The following SMC2 variants were observed in gnomAD, a reference collection of about 807,000 sequenced individuals.
SMC2 encodes structural maintenance of chromosomes protein 2.
A neutral mutation model predicts 142.6 loss-of-function variants in SMC2; 41 were observed. The observed-to-expected ratio is 0.29, with a 90% CI of 0.22 to 0.37. The LOEUF (loss-of-function observed/expected upper bound fraction) is 0.37, where lower values mean the gene tolerates loss of function less well. SMC2 is among the 10% of genes least tolerant of loss of function. The pLI, the probability that SMC2 is intolerant of heterozygous loss-of-function variation, is 1.00. For missense variants in SMC2, 1,265 were observed against 1,373.7 expected, an observed-to-expected ratio of 0.92 and a Z score of 1.25; for synonymous variants, 463 against 457.5, an observed-to-expected ratio of 1.01 and a Z score of -0.15.
intron 9 of SMC2, among the ~76,000 whole-genome samples, chr9:104,107,845 G>A (rs1054518900): frequency 6.6e-5 from 10 of 152,168 alleles, no homozygotes; most frequent in African/African-American, 1.2e-4. Context: ...AGAAAGTAGC[G>A]TCTTATTCTC....
chr9:104,090,105 G>A (rs1302352323), upstream of SMC2, among the ~76,000 whole-genome samples: 3 of 152,182 alleles, frequency 2.0e-5, no homozygotes, highest in Non-Finnish European at 2.9e-5. Flanking sequence ...TAAATGAGAA[G>A]ACCTCCTCCA....
intron 9 of SMC2, 142 bp downstream of exon 9, chr9:104,102,715 C>A: frequency 2.6e-6 from 2 of 770,470 alleles, no homozygotes; most frequent in Non-Finnish European, 3.8e-6. Flanking sequence ...TACAACTGGA[C>A]CAAATGGTCA....
intron 21 of SMC2, among the ~76,000 whole-genome samples, chr9:104,130,760 G>A (rs1336001849): frequency 1.3e-5 from 2 of 152,056 alleles, no homozygotes; most frequent in African/African-American, 4.8e-5. Flanking sequence ...GAAAACTTTG[G>A]TCTGAATTTG....
chr9:104,130,121 C>T (rs1834780628), intron 21 of SMC2, among the ~76,000 whole-genome samples: 1 of 152,054 alleles, frequency 6.6e-6, no homozygotes, highest in African/African-American at 2.4e-5. Flanking sequence ...TCATTTCTTT[C>T]ACTTGCATTG....
At chr9:104,097,582 A>G (rs559198274) in intron 3 of SMC2, among the ~76,000 whole-genome samples, 134 of 151,658 alleles carry the variant, frequency 8.8e-4, no homozygotes, top group Non-Finnish European at 1.6e-3. Flanking sequence ...GCATCCATCA[A>G]ATATTTATCC....
Position 104,116,280 on chromosome 9 carries a change from A to G in SMC2, c.1752A>G (p.Arg584=), listed in dbSNP as rs988464594. The G allele has an allele frequency of 6.8e-6, 11 of 1,609,258 alleles. No homozygotes were observed. The highest frequency in any genetic ancestry group is 9.3e-6 in the Non-Finnish European group (11 of 1,178,276). The change falls in exon 14 of 25, where the codon AGA becomes AGG. Residue 584 remains arginine (R), a synonymous_variant. Coordinates refer to ENST00000374793, the MANE Select transcript of SMC2 (RefSeq NM_006444.3). ...TTCCACTCAATAAAATTTCAGCCAG[A>G]TGTATTGCACCAGAAACTCTGAGAG... ...TIIPLNKISA[R]CIAPETLRVA...
At chr9:104,137,886 ATTC>A (rs1372814956) in intron 23 of SMC2, 129 bp from the exon 24 acceptor site, 2 of 497,906 alleles carry the variant, frequency 4.0e-6, no homozygotes, top group South Asian at 7.9e-5. Context: ...GAAACTCAAG[ATTC>A]TTTTTTTTAT....
At position 104,118,385 on chromosome 9, in the gene SMC2, ATAT is replaced by A; in HGVS notation, c.1996+11_1996+13del. The A allele has an allele frequency of 6.2e-7, 1 of 1,605,868 alleles. No homozygotes were observed. Among genetic ancestry groups the A allele is most frequent in the Non-Finnish European group, 8.5e-7 (1 of 1,173,976 alleles). ...GGGACATTGAGTGGAGGTAAGTTTT[ATAT>A]CCTTTTCTCCTCACAATTCTTTGTG... On this transcript the variant is annotated intron_variant, in intron 15 of 24. Coordinates refer to ENST00000374793, the MANE Select transcript of SMC2 (RefSeq NM_006444.3).
In SMC2 at chr9:104,120,149, AAC is replaced by A; in HGVS notation, c.2122_2123del (p.Thr708CysfsTer2). On this transcript the variant is annotated frameshift_variant, in exon 16 of 25. Coordinates refer to ENST00000374793, the MANE Select transcript of SMC2 (RefSeq NM_006444.3). LOFTEE classifies it high-confidence loss of function. Reference protein sequence around the residue: ...ALEEELAGLKNTAEKYRQLKQ... With the variant: ...ALEEELAGLKXTAEKYRQLKQ... ...AGAAGAGGAATTAGCAGGTCTTAAA[AAC>A]ACTGCTGAAAAGTAAGAACTGCATA... 3 of 1,609,568 alleles carry A rather than the reference AAC, an allele frequency of 1.9e-6. No homozygotes were observed. Among genetic ancestry groups the A allele is most frequent in the Non-Finnish European group, 2.5e-6 (3 of 1,178,706 alleles).
chr9:104,133,079 G>GCT (rs1462293322), intron 22 of SMC2, among the ~76,000 whole-genome samples: 1 of 152,070 alleles, frequency 6.6e-6, no homozygotes, highest in Admixed American at 6.6e-5. Context: ...CTGGCTTCAG[G>GCT]CTTACTTGAT....
chr9:104,125,265 G>T (rs1003910202), intron 18 of SMC2, among the ~76,000 whole-genome samples, 160 bp downstream of exon 18: 2 of 152,144 alleles, frequency 1.3e-5, no homozygotes, highest in African/African-American at 4.8e-5. Context: ...CAAGTCAAAG[G>T]AGTATCCAGG....
In SMC2 at chr9:104,100,999, G is replaced by A. The variant is rs142739927; in HGVS notation, c.636+566G>A. On this transcript the variant is annotated intron_variant, in intron 7 of 24. Coordinates refer to ENST00000374793, the MANE Select transcript of SMC2 (RefSeq NM_006444.3). ...GTCGCCCAGGCTGGAGTGCAGTGGT[G>A]TCATCACAGCTCACTGCAGCCTCCA... Among the ~76,000 whole-genome samples the A allele has an allele frequency of 5.5e-3, 831 of 152,256 alleles. 2 individuals carry two copies. The highest frequency in any genetic ancestry group is 0.015 in the East Asian group (79 of 5,182).
intron 15 of SMC2, among the ~76,000 whole-genome samples, chr9:104,119,400 A>G (rs925563593): frequency 4.9e-4 from 74 of 152,176 alleles, no homozygotes; most frequent in African/African-American, 1.6e-3. Context: ...TTCTTTGTCA[A>G]CATAATACCT....
intron 23 of SMC2, chr9:104,135,825 C>T: frequency 1.9e-6 from 1 of 518,550 alleles, no homozygotes. Flanking sequence ...GTATATCTAA[C>T]AGAAATATTC....
intron 15 of SMC2, 117 bp from the exon 16 acceptor site, chr9:104,119,910 C>A: frequency 1.0e-6 from 1 of 980,634 alleles, no homozygotes; most frequent in Non-Finnish European, 1.6e-6. Flanking sequence ...GCTTCATAAG[C>A]TCATTAAAAT....
intron 2 of SMC2, 49 bp from the exon 3 acceptor site, chr9:104,096,099 G>A (rs1252940926): frequency 6.4e-7 from 1 of 1,570,672 alleles, no homozygotes; most frequent in African/African-American, 1.4e-5. Flanking sequence ...GTGCTGCTTT[G>A]TACGGTAGGG....
intron 19 of SMC2, 38 bp downstream of exon 19, chr9:104,126,822 C>G (rs756923786): frequency 1.3e-6 from 2 of 1,559,690 alleles, no homozygotes; most frequent in Non-Finnish European, 1.7e-6. Flanking sequence ...ATTGAAAATG[C>G]GAATCTTTTT....
intron 21 of SMC2, among the ~76,000 whole-genome samples, chr9:104,131,189 A>ACTACT (rs1834919979): frequency 6.6e-6 from 1 of 152,118 alleles, no homozygotes; most frequent in East Asian, 1.9e-4. Context: ...TTGAAGGAAG[A>ACTACT]CTACTCTAAA....
intron 3 of SMC2, among the ~76,000 whole-genome samples, chr9:104,096,569 T>C (rs541308270): frequency 1.3e-4 from 20 of 152,356 alleles, no homozygotes; most frequent in African/African-American, 4.8e-4. Context: ...TCTTCTTTGG[T>C]TGTTCTTGAA....
Sources: gnomAD v4.1 joint callset for allele counts (sites outside exome capture counted in the v4.1 genomes callset) on GRCh38, gnomAD v4.1.1 for gene constraint, MANE v1.5 for transcripts, NCBI Gene and HGNC (gene_info 2026-07-23, HGNC 2026-07-21) for gene names.